Variants in SGCD observed in about 807,000 individuals in gnomAD.
The protein encoded by SGCD is delta-sarcoglycan.
In SGCD, 18 loss-of-function variants were observed where a neutral mutation model predicts 36.6. The observed-to-expected ratio is 0.49, with a 90% CI of 0.34 to 0.73. The LOEUF (loss-of-function observed/expected upper bound fraction) is 0.73. Among genes scored for constraint, SGCD ranks in the 30% least tolerant of loss-of-function variants. The probability of loss-of-function intolerance (pLI) is 0.01; values close to 1 mark genes in which losing one functional copy is unlikely to be tolerated. For synonymous variants in SGCD, 133 were observed against 130.6 expected (o/e 1.02, Z -0.12); for missense variants, 387 against 346.7 (o/e 1.12, Z -0.92).
At chr5:156,333,003 G>A (rs977082679) in intron 2 of SGCD, among the ~76,000 whole-genome samples, 1 of 152,122 alleles carries the variant, frequency 6.6e-6, no homozygotes, top group African/African-American at 2.4e-5. Flanking sequence ...AGCATGCAAA[G>A]TGCTTAGAAA....
At chr5:156,560,869 C>T (rs1759239491) in intron 4 of SGCD, among the ~76,000 whole-genome samples, 1 of 152,044 alleles carries the variant, frequency 6.6e-6, no homozygotes, top group Admixed American at 6.6e-5. Context: ...TTTTCTCACC[C>T]AAAAGACAGA....
intron 1 of SGCD, among the ~76,000 whole-genome samples, chr5:155,993,911 A>G (rs963113309): frequency 6.6e-6 from 1 of 152,200 alleles, no homozygotes. Context: ...AACAGACATG[A>G]AAGTCCACCA....
chr5:155,989,973 C>T (rs1758400566), intron 1 of SGCD, among the ~76,000 whole-genome samples: 1 of 152,162 alleles, frequency 6.6e-6, no homozygotes, highest in African/African-American at 2.4e-5. Flanking sequence ...CATGTTGTTC[C>T]TCCTTTTGTT....
chr5:156,372,481 T>C (rs1770437683), intron 3 of SGCD, among the ~76,000 whole-genome samples: 1 of 152,170 alleles, frequency 6.6e-6, no homozygotes, highest in South Asian at 2.1e-4. Flanking sequence ...CTCCAAGAAG[T>C]AGTCTTCATT....
At chr5:156,502,893 T>C (rs1317128469) in intron 3 of SGCD, among the ~76,000 whole-genome samples, 3 of 152,214 alleles carry the variant, frequency 2.0e-5, no homozygotes, top group African/African-American at 7.2e-5. Flanking sequence ...GTGTTATATT[T>C]TGGAAATAGA....
chr5:155,755,599 T>C, the SGCD span, among the ~76,000 whole-genome samples: 2 of 152,242 alleles, frequency 1.3e-5, no homozygotes, highest in African/African-American at 4.8e-5. Context: ...CTTTCTTTTA[T>C]GGTAAGAATT....
chr5:156,736,744 C>G (rs1043212850), intron 7 of SGCD, among the ~76,000 whole-genome samples: 3 of 152,152 alleles, frequency 2.0e-5, no homozygotes, highest in African/African-American at 7.2e-5. Context: ...ATTGAGAACT[C>G]GCGGGACCAT....
intron 3 of SGCD, among the ~76,000 whole-genome samples, chr5:156,169,935 CAG>C (rs1763303528): frequency 1.3e-5 from 2 of 152,188 alleles, no homozygotes; most frequent in African/African-American, 4.8e-5. Flanking sequence ...ATTCTAAGCT[CAG>C]TGGAGAGCCA....
intron 4 of SGCD, among the ~76,000 whole-genome samples, chr5:156,576,920 AT>A (rs1178370890): frequency 2.6e-5 from 4 of 151,380 alleles, no homozygotes; most frequent in Admixed American, 2.0e-4. Flanking sequence ...CTTTAGTTTA[AT>A]TTTTTTCCCA....
intron 6 of SGCD, among the ~76,000 whole-genome samples, chr5:156,635,067 T>A (rs1762774134): frequency 6.6e-6 from 1 of 151,416 alleles, no homozygotes; most frequent in African/African-American, 2.4e-5. Context: ...TACAAAAAAA[T>A]TTTAAAAATT....
intron 1 of SGCD, among the ~76,000 whole-genome samples, chr5:156,094,502 C>T (rs1761329092): frequency 6.6e-6 from 1 of 152,176 alleles, no homozygotes; most frequent in Non-Finnish European, 1.5e-5. Context: ...TTTCCCAGTC[C>T]TTTGACAAAA....
At chr5:156,226,796 G>A (rs920846695) in intron 3 of SGCD, among the ~76,000 whole-genome samples, 1 of 152,038 alleles carries the variant, frequency 6.6e-6, no homozygotes, top group Non-Finnish European at 1.5e-5. Flanking sequence ...TCTTGCAGGG[G>A]TAAGGTGGTA....
intron 4 of SGCD, among the ~76,000 whole-genome samples, chr5:156,565,392 G>A (rs1759435685): frequency 6.6e-6 from 1 of 152,066 alleles, no homozygotes; most frequent in Non-Finnish European, 1.5e-5. Context: ...GCCAGCCCTA[G>A]ATTATTCTCT....
intron 1 of SGCD, among the ~76,000 whole-genome samples, chr5:155,934,979 A>G (rs1047069670): frequency 1.3e-5 from 2 of 152,158 alleles, no homozygotes; most frequent in Non-Finnish European, 1.5e-5. Flanking sequence ...ACAGATAGAC[A>G]ACTGTTGATG....
intron 1 of SGCD, among the ~76,000 whole-genome samples, chr5:156,104,536 G>A (rs929625995): frequency 3.9e-5 from 6 of 152,016 alleles, no homozygotes; most frequent in Non-Finnish European, 7.4e-5. Context: ...TAGGTCATTG[G>A]GGTACATACT....
At chr5:156,609,218 G>A (rs1327835611) in intron 6 of SGCD, among the ~76,000 whole-genome samples, 2 of 151,998 alleles carry the variant, frequency 1.3e-5, no homozygotes, top group African/African-American at 4.8e-5. Context: ...CTTCCTTCCG[G>A]AGCTGTTTTA....
At chr5:156,401,160 T>C (rs1255415455) in intron 3 of SGCD, among the ~76,000 whole-genome samples, 2 of 152,180 alleles carry the variant, frequency 1.3e-5, no homozygotes, top group Non-Finnish European at 2.9e-5. Flanking sequence ...TAAGAGAATA[T>C]GCAAACAGAA....
At chr5:156,002,174 C>T (rs1175332972) in intron 1 of SGCD, among the ~76,000 whole-genome samples, 3 of 152,054 alleles carry the variant, frequency 2.0e-5, no homozygotes, top group Non-Finnish European at 2.9e-5. Context: ...GAGGTGCTTA[C>T]GGTGAGCCCT....
At chr5:156,548,509 A>G (rs73297180) in intron 4 of SGCD, among the ~76,000 whole-genome samples, 4,929 of 152,332 alleles carry the variant, frequency 0.032, 277 homozygotes, top group African/African-American at 0.11. Context: ...AGGAAATTGG[A>G]TATAGATAAT....
Sources: gnomAD v4.1 joint callset for allele counts (sites outside exome capture counted in the v4.1 genomes callset) on GRCh38, gnomAD v4.1.1 for gene constraint, MANE v1.5 for transcripts, NCBI Gene and HGNC (gene_info 2026-07-23, HGNC 2026-07-21) for gene names.